The following RAP1GDS1 variants were observed in gnomAD, a reference collection of about 807,000 sequenced individuals.
The protein encoded by RAP1GDS1 is Rap1 GTPase-GDP dissociation stimulator 1.
A neutral mutation model predicts 71.1 loss-of-function variants in RAP1GDS1; 35 were observed. That is an observed-to-expected ratio of 0.49 (90% CI 0.38 to 0.65). The LOEUF (loss-of-function observed/expected upper bound fraction) is 0.65. RAP1GDS1 is among the 30% of genes least tolerant of loss of function. RAP1GDS1 has a pLI of 0.00. For synonymous variants in RAP1GDS1, 229 were observed against 243.1 expected (o/e 0.94, Z 0.54); for missense variants, 663 against 706.1 (o/e 0.94, Z 0.69).
intron 2 of RAP1GDS1, among the ~76,000 whole-genome samples, chr4:98,312,472 A>G (rs1730373275): frequency 6.6e-6 from 1 of 152,150 alleles, no homozygotes; most frequent in Admixed American, 6.6e-5. Context: ...GATAACTGTC[A>G]TATTCCTTAT....
chr4:98,362,674 C>T (rs1374476528), intron 4 of RAP1GDS1, among the ~76,000 whole-genome samples: 1 of 152,192 alleles, frequency 6.6e-6, no homozygotes, highest in East Asian at 1.9e-4. Flanking sequence ...ACATCCCTGA[C>T]TTCTAATCTC....
chr4:98,279,639 T>C (rs909947177), intron 1 of RAP1GDS1, among the ~76,000 whole-genome samples: 4 of 152,194 alleles, frequency 2.6e-5, no homozygotes, highest in Non-Finnish European at 5.9e-5. Context: ...CTTTAAGTCC[T>C]GGGGTACATG....
Position 98,442,618 on chromosome 4 carries a change from A to G in RAP1GDS1, c.*501A>G, listed in dbSNP as rs1752013496. 4.4e-6 allele frequency: 1 copy of G among 227,868 alleles called. No homozygotes were observed. Among genetic ancestry groups the G allele is most frequent in the Non-Finnish European group, 8.7e-6 (1 of 114,568 alleles). 14.1% of individuals were successfully genotyped at this position (227,868 alleles called of 1,614,324 possible). A position where few individuals can be genotyped will look rare whatever the true frequency, so the allele number is the denominator to read the frequency against. ...CATTAGTCTTTCCTACTGATGTCAA[A>G]TCCATGGTACCTAGAGTTAAATAAA... On this transcript the variant is annotated 3_prime_UTR_variant, in exon 15 of 15. Transcript: ENST00000408927.
At chr4:98,293,602 C>T (rs1330544619) in intron 2 of RAP1GDS1, 87 bp downstream of exon 2, 3 of 892,460 alleles carry the variant, frequency 3.4e-6, no homozygotes, top group African/African-American at 1.7e-5. Context: ...AAGCACATAA[C>T]TTTGTATTCA....
chr4:98,312,151 T>C (rs977984996), intron 2 of RAP1GDS1, among the ~76,000 whole-genome samples: 2 of 152,226 alleles, frequency 1.3e-5, no homozygotes, highest in African/African-American at 4.8e-5. Context: ...TTTAGCTCAC[T>C]ATTCTCAGGG....
rs780373955 is a variant in RAP1GDS1, at chr4:98,404,524, G to T, written c.685G>T (p.Val229Leu). 6 of 1,608,240 alleles carry T rather than the reference G, an allele frequency of 3.7e-6. No homozygotes were observed. The highest frequency in any genetic ancestry group is 4.5e-5 in the East Asian group (2 of 44,528). ...CAGTACAAACATTGCTGAAGAGCTA[G>T]TAAAACTCTTCAAGAAACAAATAGA... is the stretch of plus-strand genomic sequence containing the variant. ...FASTNIAEEL[V>L]KLFKKQIEHD... Residue 229 changes from valine (V) to leucine (L), a missense_variant, in exon 7 of 15, where the codon GTA (valine) becomes TTA (leucine). Physicochemically the swap from Val to Leu is conservative, Grantham distance 32. Transcript: ENST00000408927.
intron 6 of RAP1GDS1, among the ~76,000 whole-genome samples, chr4:98,402,980 G>A (rs1745649283): frequency 6.6e-6 from 1 of 152,122 alleles, no homozygotes; most frequent in Admixed American, 6.5e-5. Context: ...ATAGAGTAAG[G>A]TAAGGGATTA....
At chr4:98,349,405 C>T (rs1044659368) in intron 3 of RAP1GDS1, among the ~76,000 whole-genome samples, 2 of 152,102 alleles carry the variant, frequency 1.3e-5, no homozygotes, top group Non-Finnish European at 2.9e-5. Flanking sequence ...TAGTGTGATG[C>T]CTCCAGCTTT....
intron 6 of RAP1GDS1, 42 bp from the exon 7 acceptor site, chr4:98,404,435 C>T: frequency 6.5e-7 from 1 of 1,529,020 alleles, no homozygotes. Flanking sequence ...AAAACAGTTT[C>T]TGGACTTTAT....
chr4:98,372,539 T>G (rs1262442712), intron 4 of RAP1GDS1, among the ~76,000 whole-genome samples: 1 of 152,232 alleles, frequency 6.6e-6, no homozygotes, highest in Non-Finnish European at 1.5e-5. Context: ...TATTCTTAGC[T>G]TATCACAGTT....
In RAP1GDS1 at chr4:98,442,631, A is replaced by G; in HGVS notation, c.*514A>G. The G allele has an allele frequency of 4.4e-6, 1 of 227,944 alleles. No individual in the cohort carries two copies. Among genetic ancestry groups the G allele is most frequent in the Non-Finnish European group, 8.7e-6 (1 of 114,596 alleles). 14.1% of individuals were successfully genotyped at this position (227,944 alleles called of 1,614,324 possible). On this transcript the variant is annotated 3_prime_UTR_variant, in exon 15 of 15. Transcript: ENST00000408927. ...TACTGATGTCAAATCCATGGTACCT[A>G]GAGTTAAATAAAATTCCAATGCTCT...
chr4:98,370,086 T>G (rs1479445643), intron 4 of RAP1GDS1, among the ~76,000 whole-genome samples: 2 of 152,182 alleles, frequency 1.3e-5, no homozygotes, highest in African/African-American at 4.8e-5. Context: ...ATGTTTTCCC[T>G]CACACTTCCC....
In RAP1GDS1 at chr4:98,325,524, A is replaced by G. The variant is rs971862195; in HGVS notation, c.113-17615A>G. Among the ~76,000 whole-genome samples, 22 of 151,776 alleles carry G rather than the reference A, an allele frequency of 1.4e-4. 1 individual carries two copies. The highest frequency in any genetic ancestry group is 4.2e-4 in the South Asian group (2 of 4,768). ...ATAGCAAAGACTTGGAACCAACCCA[A>G]ATGTCCAACAGTGATAGACTGGATT... is the stretch of plus-strand genomic sequence containing the variant. On this transcript the variant is annotated intron_variant, in intron 2 of 14. Transcript: ENST00000408927.
chr4:98,400,443 A>G (rs532764693), intron 6 of RAP1GDS1, among the ~76,000 whole-genome samples: 2 of 151,242 alleles, frequency 1.3e-5, no homozygotes, highest in Middle Eastern at 3.4e-3. Context: ...GGAAGACATT[A>G]TGTTAAGTGA....
At chr4:98,412,176 C>G (rs1449377194) in intron 7 of RAP1GDS1, among the ~76,000 whole-genome samples, 2 of 152,054 alleles carry the variant, frequency 1.3e-5, no homozygotes, top group Admixed American at 6.6e-5. Context: ...TTAGGGAAAC[C>G]AATGACTAAA....
chr4:98,318,153 A>G (rs144704461), intron 2 of RAP1GDS1, among the ~76,000 whole-genome samples: 215 of 152,172 alleles, frequency 1.4e-3, no homozygotes, highest in African/African-American at 4.8e-3. Context: ...ATATCTGACT[A>G]TATTCTTGAA....
In RAP1GDS1 at chr4:98,429,540, G is replaced by A. The variant is rs544711840; in HGVS notation, c.1441-4396G>A. ...TGAGGGATAAAAGACTACAAATATG[G>A]TGCAGTGTATACTGCTCGGGTGATG... On this transcript the variant is annotated intron_variant, in intron 12 of 14. Coordinates refer to ENST00000408927, the MANE Select transcript of RAP1GDS1 (RefSeq NM_001100427.2). Among the ~76,000 whole-genome samples the A allele has an allele frequency of 1.2e-3, 182 of 152,182 alleles. 1 individual carries two copies. Among genetic ancestry groups the A allele is most frequent in the African/African-American group, 4.0e-3 (166 of 41,540 alleles).
intron 2 of RAP1GDS1, among the ~76,000 whole-genome samples, chr4:98,302,898 T>C (rs1351700028): frequency 6.6e-6 from 1 of 151,990 alleles, no homozygotes; most frequent in African/African-American, 2.4e-5. Flanking sequence ...ATACAAAAAT[T>C]AGCCGAGTCT....
chr4:98,429,159 T>C (rs1014258117), intron 12 of RAP1GDS1, among the ~76,000 whole-genome samples: 8 of 150,938 alleles, frequency 5.3e-5, no homozygotes, highest in African/African-American at 2.0e-4. Flanking sequence ...GCTGGAGGCT[T>C]AGGCAGGAGG....
Sources: gnomAD v4.1 joint callset for allele counts (sites outside exome capture counted in the v4.1 genomes callset) on GRCh38, gnomAD v4.1.1 for gene constraint, MANE v1.5 for transcripts, NCBI Gene and HGNC (gene_info 2026-07-23, HGNC 2026-07-21) for gene names.